The following REXO1 variants were observed in gnomAD, a reference collection of about 807,000 sequenced individuals.
The protein encoded by REXO1 is RNA exonuclease 1 homolog.
In REXO1, 42 loss-of-function variants were observed where a neutral mutation model predicts 102.6. The observed-to-expected ratio is 0.41, with a 90% CI of 0.32 to 0.53. The LOEUF (loss-of-function observed/expected upper bound fraction) is 0.53, where lower values mean the gene tolerates loss of function less well. Among genes scored for constraint, REXO1 ranks in the 20% least tolerant of loss-of-function variants. The pLI is 0.27. For synonymous variants in REXO1, 908 were observed against 779.1 expected, an observed-to-expected ratio of 1.17 and a Z score of -2.76; for missense variants, 1,819 against 1,732.5, an observed-to-expected ratio of 1.05 and a Z score of -0.89.
Position 1,844,594 on chromosome 19 carries a change from C to T in REXO1, c.157+3608G>A, listed in dbSNP as rs565162084. 7.2e-5 allele frequency among the ~76,000 whole-genome samples: 11 copies of T among 152,302 alleles called. No homozygotes were observed. The East Asian group carries it at 2.1e-3, about 29-fold the overall frequency. ...GGGCTGCTCCCTGAGCGCCTCTACC[C>T]CAGGACTCCTGCCCTCTACAGATGC... On this transcript the variant is annotated intron_variant, in intron 1 of 15. Transcript: ENST00000170168.
At position 1,827,029 on chromosome 19, in the gene REXO1, G is replaced by GAGT; in HGVS notation, c.1759_1760insACT (p.Ser586_Ser587insTyr). Reference sequence around the variant, plus strand: ...CGCCCCCGCGCTGGAGGTGGAGGAGGAGGAGGAGGAGGAGGAGGATGGGGC... The same window carrying GAGT: ...CGCCCCCGCGCTGGAGGTGGAGGAGGAGTAGGAGGAGGAGGAGGAGGATGGGGC... On this transcript the variant is annotated inframe_insertion, in exon 2 of 16. Coordinates refer to ENST00000170168, the MANE Select transcript of REXO1 (RefSeq NM_020695.4). The GAGT allele has an allele frequency of 1.4e-6, 2 of 1,450,358 alleles. No homozygotes were observed. Among genetic ancestry groups the GAGT allele is most frequent in the African/African-American group, 1.4e-5 (1 of 69,324 alleles). 89.8% of individuals were successfully genotyped at this position (1,450,358 alleles called of 1,614,324 possible).
In REXO1 at chr19:1,828,398, C is replaced by T. The variant is rs202065048; in HGVS notation, c.391G>A (p.Gly131Ser). The change falls in exon 2 of 16, where the codon GGC becomes AGC. Residue 131 changes from glycine (G) to serine (S), a missense_variant. Physicochemically the swap from Gly to Ser is moderately conservative, Grantham distance 56. Transcript: ENST00000170168. ...SAEAPALAPR[G>S]PNASPTVGPD... is the part of the protein sequence containing the mutation. ...CCCACAGTGGGGCTGGCGTTGGGGC[C>T]GCGGGGCGCCAGGGCGGGGGCCTCG... The T allele has an allele frequency of 3.4e-5, 54 of 1,607,380 alleles. No homozygotes were observed. The highest frequency in any genetic ancestry group is 3.1e-4 in the East Asian group (14 of 44,686).
Position 1,823,552 on chromosome 19 carries a change from C to A in REXO1, c.2230+20G>T, listed in dbSNP as rs1335962645. 12 of 1,290,026 alleles carry A rather than the reference C, an allele frequency of 9.3e-6. No homozygotes were observed. The highest frequency in any genetic ancestry group is 4.1e-5 in the Admixed American group (1 of 24,376). 79.9% of individuals were successfully genotyped at this position (1,290,026 alleles called of 1,614,324 possible). A position where few individuals can be genotyped will look rare whatever the true frequency, so the allele number is the denominator to read the frequency against. The stretch of plus-strand genomic sequence containing the variant: ...CATGCCCACGGCCCCCCGGCACAGG[C>A]CCCCTGGGCCAGGACTCACCTGCAG... On this transcript the variant is annotated intron_variant, in intron 4 of 15. Transcript: ENST00000170168.
chr19:1,826,843 T>TGCCCGA lies in REXO1; in HGVS notation c.1911+29_1911+34dup, dbSNP rs773337907. On this transcript the variant is annotated intron_variant, in intron 2 of 15. Coordinates refer to ENST00000170168, the MANE Select transcript of REXO1 (RefSeq NM_020695.4). This position sits in a 1 kb window ranked among gnomAD's most constrained non-coding sequence, Gnocchi z 4.3. ...CTCACCAGGCCCTCGGCTCTGCCTC[T>TGCCCGA]GCCCGAGCCCAGCCCCAGCACCCGC... 6.5e-6 allele frequency: 10 copies of TGCCCGA among 1,549,910 alleles called. No individual in the cohort carries two copies. The South Asian group carries it at 9.5e-5, about 15-fold the overall frequency.
At position 1,815,872 on chromosome 19, in the gene REXO1, G is replaced by A. The variant is rs761199594; in HGVS notation, c.*194C>T. ...GGCTGGGGGGCAGAGGGTGGGGACC[G>A]GCGGAGGGGTGCGGCAGGACGTGAG... On this transcript the variant is annotated 3_prime_UTR_variant, in exon 16 of 16. Transcript: ENST00000170168. The surrounding 1 kb of genome is among the most constrained non-coding windows in gnomAD (Gnocchi z 4.0). 1.2e-5 allele frequency: 18 copies of A among 1,524,678 alleles called. No homozygotes were observed. The highest frequency in any genetic ancestry group is 1.1e-4 in the South Asian group (9 of 82,952). 94.4% of individuals were successfully genotyped at this position (1,524,678 alleles called of 1,614,324 possible). A position where few individuals can be genotyped will look rare whatever the true frequency, so the allele number is the denominator to read the frequency against.
At chr19:1,829,844 T>C (rs901977982) in intron 1 of REXO1, among the ~76,000 whole-genome samples, 12 of 152,140 alleles carry the variant, frequency 7.9e-5, no homozygotes, top group African/African-American at 2.9e-4. Flanking sequence ...AGTCTCACCA[T>C]ATTGGCCAGG....
In REXO1 at chr19:1,827,363, G is replaced by A. The variant is rs1415826045; in HGVS notation, c.1426C>T (p.Pro476Ser). 8 of 1,542,386 alleles carry A rather than the reference G, an allele frequency of 5.2e-6. No homozygotes were observed. Among genetic ancestry groups the A allele is most frequent in the Non-Finnish European group, 6.1e-6 (7 of 1,149,418 alleles). The part of the protein sequence containing the change: ...RPAAGRGPPR[P>S]LQLPDRKSTK... ...CTCTTCCTGTCGGGCAGCTGGAGGG[G>A]GCGGGGTGGGCCTCTGCCGGCCGCC... Residue 476 changes from proline (P) to serine (S), a missense_variant, in exon 2 of 16, where the codon CCC becomes TCC. Physicochemically the swap from Pro to Ser is moderately conservative, Grantham distance 74. Transcript: ENST00000170168.
chr19:1,821,970 C>T (rs944095994), intron 4 of REXO1: 3 of 538,836 alleles, frequency 5.6e-6, no homozygotes, highest in Non-Finnish European at 6.4e-6. Context: ...AAGCCCAAGG[C>T]GTCGATGTCT....
At position 1,818,860 on chromosome 19, in the gene REXO1, T is replaced by C; in HGVS notation, c.2765-17A>G. ...GGGCAGCCCCTGTGGACAGGCACAG[T>C]GGTCAGCCCCTGCCTGGGATGGCCC... On this transcript the variant is annotated splice_polypyrimidine_tract_variant and intron_variant, in intron 8 of 15. Coordinates refer to ENST00000170168, the MANE Select transcript of REXO1 (RefSeq NM_020695.4). The C allele has an allele frequency of 1.9e-6, 3 of 1,608,214 alleles. No homozygotes were observed. Among genetic ancestry groups the C allele is most frequent in the South Asian group, 2.2e-5 (2 of 90,752 alleles).
intron 1 of REXO1, among the ~76,000 whole-genome samples, chr19:1,847,484 C>A (rs1382870808): frequency 6.6e-6 from 1 of 152,176 alleles, no homozygotes; most frequent in Non-Finnish European, 1.5e-5. Context: ...ACCCTCCCTC[C>A]ACGACTTTCC....
chr19:1,835,012 C>T, intron 1 of REXO1: 1 of 416,984 alleles, frequency 2.4e-6, no homozygotes, highest in South Asian at 1.7e-5. Flanking sequence ...GGAAGTTTCA[C>T]ACAGGAAGTT....
At position 1,823,589 on chromosome 19, in the gene REXO1, T is replaced by G; in HGVS notation, c.2213A>C (p.Asn738Thr). 1 of 1,315,560 alleles carries G rather than the reference T, an allele frequency of 7.6e-7. No individual in the cohort carries two copies. Among genetic ancestry groups the G allele is most frequent in the Non-Finnish European group, 9.8e-7 (1 of 1,024,930 alleles). The allele number at this position is 1,315,560 out of a possible 1,614,324, so 81.5% of individuals were successfully genotyped here. ...GGACTCACCTGCAGCCAGGCGGGGG[T>G]TGGGGATGTGGGCGATCCTCCTCTT... ...GEKRRIAHIPNPRLAAAPTGA... is the reference protein window; with the variant it reads ...GEKRRIAHIPTPRLAAAPTGA... The change falls in exon 4 of 16, where the codon AAC becomes ACC. Residue 738 changes from asparagine to threonine, a missense_variant. Transcript: ENST00000170168.
In REXO1 at chr19:1,819,019, T is replaced by C. The variant is rs759638598; in HGVS notation, c.2763A>G (p.Lys921=). ...GGCAGAGCAGGGGCAGGGCCTTACC[T>C]TTCAGGTCCTCCACCCGGGGGCTGC... is the stretch of plus-strand genomic sequence containing the variant. The part of the protein sequence containing the change: ...RPSSPRVEDL[K]GAALYSRLRE... Residue 921 remains lysine (K), a splice_region_variant and synonymous_variant, in exon 8 of 16, where the codon AAA becomes AAG. Coordinates refer to ENST00000170168, the MANE Select transcript of REXO1 (RefSeq NM_020695.4). 3 of 1,598,978 alleles carry C rather than the reference T, an allele frequency of 1.9e-6. No homozygotes were observed. In the South Asian group the frequency reaches 3.3e-5, roughly 18 times the overall value.
chr19:1,821,344 C>CAA (rs879161137), intron 5 of REXO1, among the ~76,000 whole-genome samples, 175 bp downstream of exon 5: 6 of 92,502 alleles, frequency 6.5e-5, no homozygotes, highest in South Asian at 3.5e-4. Context: ...GACTCCATCT[C>CAA]AAAAAAAAAA....
rs184315490 is a variant in REXO1, at chr19:1,832,190, G to C, written c.158-3559C>G. Among the ~76,000 whole-genome samples, 5 of 152,210 alleles carry C rather than the reference G, an allele frequency of 3.3e-5. No individual in the cohort carries two copies. The East Asian group carries it at 5.8e-4, about 18-fold the overall frequency. ...GGGGAGGAAGGCGCCCTGAGCCGAG[G>C]GATGCAGGTGCCTCCAGATGCTGGG... On this transcript the variant is annotated intron_variant, in intron 1 of 15. Coordinates refer to ENST00000170168, the MANE Select transcript of REXO1 (RefSeq NM_020695.4).
Position 1,828,119 on chromosome 19 carries a change from C to CCACCACGTA in REXO1, c.661_669dup (p.Tyr221_Val223dup). ...AGGTCTGTGGGTGGCCTGGAGTTGT[C>CCACCACGTA]CACCACGTACTTGCCACTGGGAACG... On this transcript the variant is annotated inframe_insertion, in exon 2 of 16. Transcript: ENST00000170168. The CCACCACGTA allele has an allele frequency of 6.2e-7, 1 of 1,612,788 alleles. No individual in the cohort carries two copies. The highest frequency in any genetic ancestry group is 8.5e-7 in the Non-Finnish European group (1 of 1,179,818).
intron 1 of REXO1, among the ~76,000 whole-genome samples, chr19:1,844,002 G>A (rs2011421816): frequency 6.6e-6 from 1 of 152,238 alleles, no homozygotes; most frequent in South Asian, 2.1e-4. Flanking sequence ...AGGAGAGCTG[G>A]CAAGCCCTAA....
chr19:1,816,641 G>GGGGGGGGGGGGGGGC, intron 13 of REXO1, 57 bp downstream of exon 13: 5 of 1,021,758 alleles, frequency 4.9e-6, no homozygotes, highest in Non-Finnish European at 4.4e-6. Context: ...GGGAGGGTGG[G>GGGGGGGGGGGGGGGC]TCCCTGGGGA....
chr19:1,832,317 C>T (rs2069928441), intron 1 of REXO1, among the ~76,000 whole-genome samples: 2 of 152,228 alleles, frequency 1.3e-5, no homozygotes, highest in Non-Finnish European at 2.9e-5. Flanking sequence ...CCCAGCCCAG[C>T]GCTGAGAGAG....
Sources: gnomAD v4.1 joint callset for allele counts (sites outside exome capture counted in the v4.1 genomes callset) on GRCh38, gnomAD v4.1.1 for gene constraint, Gnocchi (gnomAD v3.1) non-coding constraint, MANE v1.5 for transcripts, NCBI Gene and HGNC (gene_info 2026-07-23, HGNC 2026-07-21) for gene names.